The following RIMBP2 variants were observed in gnomAD, a reference collection of about 807,000 sequenced individuals.
RIMBP2 encodes RIMS-binding protein 2.
Under a neutral mutation model 118.6 loss-of-function variants are expected in RIMBP2, and 48 were observed. The ratio of observed to expected loss-of-function variants is 0.40; its 90% CI spans 0.32 to 0.51. The LOEUF (loss-of-function observed/expected upper bound fraction) is 0.51. RIMBP2 is among the 20% of genes least tolerant of loss of function. The probability of loss-of-function intolerance (pLI) is 0.41; values close to 1 mark genes in which losing one functional copy is unlikely to be tolerated. For missense variants in RIMBP2, 1,551 were observed against 1,768.3 expected, an observed-to-expected ratio of 0.88 and a Z score of 2.20; for synonymous variants, 762 against 742.9, an observed-to-expected ratio of 1.03 and a Z score of -0.42.
intron 1 of RIMBP2, among the ~76,000 whole-genome samples, chr12:130,634,405 TCA>T (rs1361297748): frequency 6.6e-6 from 1 of 152,064 alleles, no homozygotes; most frequent in East Asian, 1.9e-4. Context: ...ATGCCCTATC[TCA>T]CACACTCCTC....
chr12:130,488,567 C>T (rs1324068248), intron 4 of RIMBP2, among the ~76,000 whole-genome samples: 3 of 152,182 alleles, frequency 2.0e-5, no homozygotes, highest in Non-Finnish European at 4.4e-5. Context: ...TTCTGCACAG[C>T]GTTACTTTTC....
chr12:130,482,365 G>A (rs929605654), intron 4 of RIMBP2, among the ~76,000 whole-genome samples: 8 of 152,224 alleles, frequency 5.3e-5, no homozygotes, highest in Admixed American at 3.3e-4. Flanking sequence ...CAGGACAAAC[G>A]TGTCTTCATG....
Position 130,525,438 on chromosome 12 carries a change from T to C in RIMBP2, c.-216-7521A>G, listed in dbSNP as rs192391036. Among the ~76,000 whole-genome samples the C allele has an allele frequency of 4.9e-3, 744 of 152,224 alleles. 7 individuals carry two copies. Among genetic ancestry groups the C allele is most frequent in the African/African-American group, 0.017 (719 of 41,524 alleles). On this transcript the variant is annotated intron_variant, in intron 2 of 22. Transcript: ENST00000690449. The surrounding 1 kb of genome is among the most constrained non-coding windows in gnomAD (Gnocchi z 4.4). ...GAAGAGGCGCAGAGAGACAAGGTCA[T>C]GCTTAGAGCCTCCTAGGGGCATGGA...
At position 130,564,176 on chromosome 12, in the gene RIMBP2, G is replaced by C. The variant is rs539458456; in HGVS notation, c.-216-46259C>G. ...CCAGGGCCCTTGCACCTCTCTCTGT[G>C]CCCTCTTCCTCTTCTCCCAGGTGCC... is the stretch of plus-strand genomic sequence containing the variant. On this transcript the variant is annotated intron_variant, in intron 2 of 22. Transcript: ENST00000690449. Among the ~76,000 whole-genome samples, 576 of 140,446 alleles carry C rather than the reference G, an allele frequency of 4.1e-3. 4 individuals carry two copies. The highest frequency in any genetic ancestry group is 0.015 in the African/African-American group (553 of 36,046). The allele number at this position is 140,446 out of a possible 152,430, so 92.1% of individuals were successfully genotyped here.
At chr12:130,455,789 G>C (rs2137488202) in intron 7 of RIMBP2, among the ~76,000 whole-genome samples, 1 of 152,134 alleles carries the variant, frequency 6.6e-6, no homozygotes, top group Middle Eastern at 3.4e-3. Flanking sequence ...TTCTTAAACA[G>C]GTGGGCAGAC....
chr12:130,486,182 G>T lies in RIMBP2; in HGVS notation c.-3-7166C>A, dbSNP rs995256729. 2.6e-5 allele frequency among the ~76,000 whole-genome samples: 4 copies of T among 152,094 alleles called. No individual in the cohort carries two copies. In the South Asian group the frequency reaches 6.2e-4, roughly 24 times the overall value. On this transcript the variant is annotated intron_variant, in intron 4 of 22. Transcript: ENST00000690449. ...AGATTCTCCCACTAAGGCAGCCGAG[G>T]AGTCCCTGCAGCCCGAACCCATGGC...
intron 17 of RIMBP2, among the ~76,000 whole-genome samples, chr12:130,421,222 TAGA>T (rs528903520): frequency 4.4e-4 from 67 of 152,322 alleles, no homozygotes; most frequent in African/African-American, 1.3e-3. Context: ...ACACTAGGTT[TAGA>T]ATACCCGAAA....
Position 130,560,788 on chromosome 12 carries a change from A to C in RIMBP2, c.-216-42871T>G, listed in dbSNP as rs567748203. On this transcript the variant is annotated intron_variant, in intron 2 of 22. Transcript: ENST00000690449. Reference sequence around the variant, plus strand: ...ATATCTCATCGTGGCCTCCCTCCCTATGCCCAAGAGCCCATGTCGAAATTT... The same window carrying C: ...ATATCTCATCGTGGCCTCCCTCCCTCTGCCCAAGAGCCCATGTCGAAATTT... Among the ~76,000 whole-genome samples the C allele has an allele frequency of 3.2e-4, 48 of 152,280 alleles. No individual in the cohort carries two copies. In the South Asian group the frequency reaches 9.3e-3, roughly 30 times the overall value.
intron 1 of RIMBP2, among the ~76,000 whole-genome samples, chr12:130,705,119 G>A (rs946916511): frequency 1.3e-4 from 20 of 152,178 alleles, no homozygotes; most frequent in Non-Finnish European, 1.5e-4. Context: ...GCTCCTCTCC[G>A]TGGCCACATT....
At chr12:130,517,973 A>G (rs1210729437) in intron 2 of RIMBP2, 56 bp from the exon 3 acceptor site, 3 of 722,450 alleles carry the variant, frequency 4.2e-6, no homozygotes, top group Non-Finnish European at 3.4e-6. Context: ...GAGACTTGGT[A>G]GAGTGCAGTG....
chr12:130,607,186 T>C (rs1031045782), intron 2 of RIMBP2, among the ~76,000 whole-genome samples: 1 of 152,058 alleles, frequency 6.6e-6, no homozygotes, highest in Non-Finnish European at 1.5e-5. Context: ...GTGTAGAAAG[T>C]ATTCCTTCTT....
intron 4 of RIMBP2, among the ~76,000 whole-genome samples, chr12:130,493,604 C>T (rs1399513819): frequency 3.3e-5 from 5 of 152,000 alleles, no homozygotes; most frequent in East Asian, 1.9e-4. Context: ...CGGGAGCCAC[C>T]ATGCCCAGCC....
At position 130,661,329 on chromosome 12, in the gene RIMBP2, C is replaced by G. The variant is rs190642108; in HGVS notation, c.-351-32873G>C. Among the ~76,000 whole-genome samples, 230 of 152,294 alleles carry G rather than the reference C, an allele frequency of 1.5e-3. 2 individuals are homozygous for G. The highest frequency in any genetic ancestry group is 0.015 in the Admixed American group (228 of 15,300). On this transcript the variant is annotated intron_variant, in intron 1 of 22. Transcript: ENST00000690449. ...GCACAGTGATTGGCTCAGGGCTAGACAGGTGAGCTGAGCTGGTAATTAACT... is the reference window on the plus strand; with the variant it reads ...GCACAGTGATTGGCTCAGGGCTAGAGAGGTGAGCTGAGCTGGTAATTAACT...
At position 130,707,929 on chromosome 12, in the gene RIMBP2, G is replaced by GGAGA. The variant is rs144823670; in HGVS notation, c.-352+8289_-352+8292dup. Among the ~76,000 whole-genome samples, 3 of 151,862 alleles carry GGAGA rather than the reference G, an allele frequency of 2.0e-5. 1 individual carries two copies. Among genetic ancestry groups the GGAGA allele is most frequent in the African/African-American group, 7.2e-5 (3 of 41,388 alleles). ...AAGAAATGGGGGGATTGAGAGAGAG[G>GGAGA]GAGAGAGAGAGAGACTATACGCATT... On this transcript the variant is annotated intron_variant, in intron 1 of 22. Transcript: ENST00000690449.
At chr12:130,573,173 G>A (rs1407518785) in intron 2 of RIMBP2, among the ~76,000 whole-genome samples, 3 of 151,808 alleles carry the variant, frequency 2.0e-5, no homozygotes, top group Non-Finnish European at 4.4e-5. Context: ...AGGTATATAT[G>A]TATTTATTCT....
intron 1 of RIMBP2, among the ~76,000 whole-genome samples, chr12:130,633,477 C>T (rs546091786): frequency 6.6e-6 from 1 of 152,250 alleles, no homozygotes; most frequent in South Asian, 2.1e-4. Context: ...ACATCCTATC[C>T]CGAGTGTCCC....
chr12:130,679,779 TCAAA>T (rs761274382), intron 1 of RIMBP2, among the ~76,000 whole-genome samples: 5 of 152,206 alleles, frequency 3.3e-5, no homozygotes, highest in Non-Finnish European at 7.3e-5. Flanking sequence ...CAAACTTCTC[TCAAA>T]CAAAGAAATA....
At chr12:130,553,171 G>T (rs1007267868) in intron 2 of RIMBP2, among the ~76,000 whole-genome samples, 1 of 148,914 alleles carries the variant, frequency 6.7e-6, no homozygotes, top group African/African-American at 2.5e-5. Flanking sequence ...AAAAAGAAAA[G>T]AAAAGAAAAT....
intron 2 of RIMBP2, among the ~76,000 whole-genome samples, chr12:130,543,076 G>C (rs2054756421): frequency 6.6e-6 from 1 of 152,198 alleles, no homozygotes; most frequent in Non-Finnish European, 1.5e-5. Flanking sequence ...TGTGCTTGTA[G>C]TTCCCACATT....
Sources: gnomAD v4.1 joint callset for allele counts (sites outside exome capture counted in the v4.1 genomes callset) on GRCh38, gnomAD v4.1.1 for gene constraint, Gnocchi (gnomAD v3.1) non-coding constraint, MANE v1.5 for transcripts, NCBI Gene and HGNC (gene_info 2026-07-23, HGNC 2026-07-21) for gene names.